CAMTA1: variants seen among roughly 807,000 people sequenced by gnomAD.
CAMTA1 encodes the protein calmodulin binding transcription activator 1, also known as calmodulin-binding transcription activator 1.
In CAMTA1, 27 loss-of-function variants were observed where a neutral mutation model predicts 170.9. The observed-to-expected ratio is 0.16, with a 90% CI of 0.12 to 0.22. The LOEUF (loss-of-function observed/expected upper bound fraction) is 0.22. Among genes scored for constraint, CAMTA1 ranks in the 10% least tolerant of loss-of-function variants. CAMTA1 has a pLI of 1.00. For missense variants in CAMTA1, 1,619 were observed against 2,217.2 expected (o/e 0.73, Z 5.42); for synonymous variants, 833 against 891.5 (o/e 0.93, Z 1.17).
At chr1:7,181,897 C>T (rs769042437) in intron 4 of CAMTA1, among the ~76,000 whole-genome samples, 8 of 152,092 alleles carry the variant, frequency 5.3e-5, no homozygotes, top group Admixed American at 2.0e-4. Flanking sequence ...GCAGTAACCA[C>T]GATAACCCTG....
At chr1:6,896,473 T>G (rs1168866609) in intron 3 of CAMTA1, among the ~76,000 whole-genome samples, 1 of 152,150 alleles carries the variant, frequency 6.6e-6, no homozygotes, top group African/African-American at 2.4e-5. Flanking sequence ...CCGGGATGCT[T>G]TCTGTGTTGA....
At chr1:7,033,112 A>C (rs1703033544) in intron 3 of CAMTA1, among the ~76,000 whole-genome samples, 1 of 152,152 alleles carries the variant, frequency 6.6e-6, no homozygotes, top group South Asian at 2.1e-4. Context: ...CAAATTTGGA[A>C]AATTTTGGCT....
At chr1:7,133,993 A>C (rs983924703) in intron 4 of CAMTA1, among the ~76,000 whole-genome samples, 1 of 152,140 alleles carries the variant, frequency 6.6e-6, no homozygotes, top group Non-Finnish European at 1.5e-5. Flanking sequence ...TATGGATCCC[A>C]CCACCCAGGT....
At chr1:7,023,089 C>G (rs1387912251) in intron 3 of CAMTA1, among the ~76,000 whole-genome samples, 3 of 152,134 alleles carry the variant, frequency 2.0e-5, no homozygotes, top group Admixed American at 2.0e-4. Context: ...AAAAATTCTT[C>G]CCATTGGCTC....
intron 7 of CAMTA1, among the ~76,000 whole-genome samples, chr1:7,658,865 C>A (rs1284970863): frequency 1.3e-5 from 2 of 152,208 alleles, no homozygotes; most frequent in African/African-American, 4.8e-5. Context: ...CTGGAGAATT[C>A]CTCCAGGGAG....
chr1:7,149,716 G>A (rs1646457881), intron 4 of CAMTA1, among the ~76,000 whole-genome samples: 1 of 152,190 alleles, frequency 6.6e-6, no homozygotes, highest in African/African-American at 2.4e-5. Flanking sequence ...AGTGCTGGGG[G>A]ATGGGCAGGT....
chr1:7,529,068 C>A (rs1480826025), intron 6 of CAMTA1, among the ~76,000 whole-genome samples: 3 of 152,160 alleles, frequency 2.0e-5, no homozygotes, highest in African/African-American at 7.2e-5. Flanking sequence ...TGCTTCCTAG[C>A]AACTAACCAG....
rs1161563656 is a variant in CAMTA1 at position 7,493,113 on chromosome 1, CACACGCGCACACACAGACATACAA to C, written c.510+25215_510+25238del. On this transcript the variant is annotated intron_variant, in intron 6 of 22. Transcript: ENST00000303635. ...AGCACACAACACAAACCTACATACA[CACACGCGCACACACAGACATACAA>C]ACGTGAGCACACAACACAAACCTAC... is the stretch of plus-strand genomic sequence containing the variant. Among the ~76,000 whole-genome samples, 349 of 140,554 alleles carry C rather than the reference CACACGCGCACACACAGACATACAA, an allele frequency of 2.5e-3. 42 individuals are homozygous for C. Among genetic ancestry groups the C allele is most frequent in the African/African-American group, 8.1e-3 (293 of 36,022 alleles). 92.2% of individuals were successfully genotyped at this position (140,554 alleles called of 152,430 possible).
chr1:7,702,465 G>C (rs959255487), intron 11 of CAMTA1, among the ~76,000 whole-genome samples: 1 of 152,140 alleles, frequency 6.6e-6, no homozygotes, highest in East Asian at 1.9e-4. Context: ...CGAGTTCCCC[G>C]GCACTTTAGA....
chr1:6,911,023 A>C (rs1025472038), intron 3 of CAMTA1, among the ~76,000 whole-genome samples: 4 of 152,200 alleles, frequency 2.6e-5, no homozygotes, highest in African/African-American at 9.6e-5. Flanking sequence ...TAATGAGGAG[A>C]CAAGGTGTTA....
intron 6 of CAMTA1, among the ~76,000 whole-genome samples, chr1:7,485,203 G>A (rs1470884761): frequency 1.3e-5 from 2 of 152,224 alleles, no homozygotes; most frequent in African/African-American, 4.8e-5. Context: ...GTCTGAGCCT[G>A]AAAGCCACGG....
chr1:7,567,943 G>A (rs1233620333), intron 6 of CAMTA1, among the ~76,000 whole-genome samples: 5 of 152,116 alleles, frequency 3.3e-5, no homozygotes, highest in African/African-American at 9.7e-5. Flanking sequence ...AGTAAAGTGA[G>A]GATAATACTA....
chr1:7,422,988 G>T (rs970104195), intron 5 of CAMTA1, among the ~76,000 whole-genome samples: 1 of 152,270 alleles, frequency 6.6e-6, no homozygotes, highest in Admixed American at 6.5e-5. Flanking sequence ...ATTAATGGCA[G>T]TGCCATTTAA....
chr1:7,682,656 T>C lies in CAMTA1; in HGVS notation c.2914+4923T>C, dbSNP rs955068046. ...ACTGTCCCAGAGTCCAGGGGTACAT[T>C]CCAGGGACAGTGGGAAAGGCCATTC... On this transcript the variant is annotated intron_variant, in intron 11 of 22. Transcript: ENST00000303635. This position sits in a 1 kb window ranked among gnomAD's most constrained non-coding sequence, Gnocchi z 5.0. Among the ~76,000 whole-genome samples, 2 of 152,258 alleles carry C rather than the reference T, an allele frequency of 1.3e-5. No individual in the cohort carries two copies. The highest frequency in any genetic ancestry group is 4.8e-5 in the African/African-American group (2 of 41,550).
Position 7,635,965 on chromosome 1 carries a change from A to G in CAMTA1, c.511-4435A>G, listed in dbSNP as rs149074290. ...AGCCCCACGCCAGGAAATCGTTACTACTCAACTCTGGGCATTCCAGGTGCA... is the reference window on the plus strand; with the variant it reads ...AGCCCCACGCCAGGAAATCGTTACTGCTCAACTCTGGGCATTCCAGGTGCA... On this transcript the variant is annotated intron_variant, in intron 6 of 22. Coordinates refer to ENST00000303635, the MANE Select transcript of CAMTA1 (RefSeq NM_015215.4). The surrounding 1 kb of genome is among the most constrained non-coding windows in gnomAD (Gnocchi z 4.4). Among the ~76,000 whole-genome samples the G allele has an allele frequency of 7.9e-4, 120 of 151,662 alleles. 1 individual carries two copies. Among genetic ancestry groups the G allele is most frequent in the African/African-American group, 2.8e-3 (113 of 40,988 alleles).
chr1:7,280,019 C>T lies in CAMTA1; in HGVS notation c.438+30393C>T, dbSNP rs116410651. Among the ~76,000 whole-genome samples the T allele has an allele frequency of 7.9e-3, 1,210 of 152,244 alleles. 5 individuals carry two copies. Among genetic ancestry groups the T allele is most frequent in the Non-Finnish European group, 0.012 (815 of 68,002 alleles). ...AATTGCACCAGGGAAGGAGCCTGCT[C>T]GTTGCTGGTAGAACTTGCAGCATCC... On this transcript the variant is annotated intron_variant, in intron 5 of 22. Coordinates refer to ENST00000303635, the MANE Select transcript of CAMTA1 (RefSeq NM_015215.4).
intron 5 of CAMTA1, among the ~76,000 whole-genome samples, chr1:7,278,997 A>G (rs545816195): frequency 6.6e-6 from 1 of 151,650 alleles, no homozygotes; most frequent in African/African-American, 2.4e-5. Context: ...GGCCATGAGG[A>G]GAAGGGGAAG....
intron 6 of CAMTA1, among the ~76,000 whole-genome samples, chr1:7,579,732 G>A (rs1430772545): frequency 6.6e-6 from 1 of 151,612 alleles, no homozygotes; most frequent in East Asian, 1.9e-4. Context: ...GCTAATTTTT[G>A]TATTTTCAGT....
chr1:6,833,887 C>CA (rs1251793987), intron 3 of CAMTA1, among the ~76,000 whole-genome samples: 1 of 152,170 alleles, frequency 6.6e-6, no homozygotes, highest in East Asian at 1.9e-4. Context: ...ATAATACTTC[C>CA]ACAGAGCCGC....
Sources: gnomAD v4.1 joint callset for allele counts (sites outside exome capture counted in the v4.1 genomes callset) on GRCh38, gnomAD v4.1.1 for gene constraint, Gnocchi (gnomAD v3.1) non-coding constraint, MANE v1.5 for transcripts, NCBI Gene and HGNC (gene_info 2026-07-23, HGNC 2026-07-21) for gene names.